Variants in SSX2IP observed in about 807,000 individuals in gnomAD.
SSX2IP encodes the protein afadin- and alpha-actinin-binding protein.
SSX2IP carries 55 observed loss-of-function variants against 84.9 expected under a neutral mutation model. The observed-to-expected ratio is 0.65, with a 90% CI of 0.52 to 0.81. The LOEUF is 0.81. Among genes scored for constraint, SSX2IP ranks in the 30% least tolerant of loss-of-function variants. The pLI, the probability that SSX2IP is intolerant of heterozygous loss-of-function variation, is 0.00. For synonymous variants in SSX2IP, 239 were observed against 234.7 expected, an observed-to-expected ratio of 1.02 and a Z score of -0.17; for missense variants, 664 against 705.2, an observed-to-expected ratio of 0.94 and a Z score of 0.66.
Position 84,645,203 on chromosome 1 carries a change from G to C in SSX2IP, c.*2230C>G, listed in dbSNP as rs1446399250. Reference sequence around the variant, plus strand: ...ATTATTTGTACATTGCAAACACCTAGAAAGAGATGGGAAACAAAATCCCAG... The same window carrying C: ...ATTATTTGTACATTGCAAACACCTACAAAGAGATGGGAAACAAAATCCCAG... On this transcript the variant is annotated 3_prime_UTR_variant, in exon 14 of 14. Transcript: ENST00000342203. 6.6e-6 allele frequency: 1 copy of C among 152,182 alleles called. No individual in the cohort carries two copies. The highest frequency in any genetic ancestry group is 1.5e-5 in the Non-Finnish European group (1 of 68,042). The allele number at this position is 152,182 out of a possible 1,614,324, so 9.4% of individuals were successfully genotyped here.
rs148448464 is a variant in SSX2IP, at chr1:84,657,201, A to T, written c.1079-717T>A. On this transcript the variant is annotated intron_variant, in intron 9 of 13. Coordinates refer to ENST00000342203, the MANE Select transcript of SSX2IP (RefSeq NM_001166293.2). Reference sequence around the variant, plus strand: ...CAAACTTTACCAAGCAGAAAATATTAAGAATATATTCATCAATGTAGAGCT... The same window carrying T: ...CAAACTTTACCAAGCAGAAAATATTTAGAATATATTCATCAATGTAGAGCT... Among the ~76,000 whole-genome samples, 97 of 152,302 alleles carry T rather than the reference A, an allele frequency of 6.4e-4. No homozygotes were observed. In the East Asian group the frequency reaches 0.015, roughly 24 times the overall value.
chr1:84,650,522 C>G lies in SSX2IP; in HGVS notation c.1510G>C (p.Asp504His). The G allele has an allele frequency of 6.2e-7, 1 of 1,614,118 alleles. No individual in the cohort carries two copies. Among genetic ancestry groups the G allele is most frequent in the Non-Finnish European group, 8.5e-7 (1 of 1,180,020 alleles). Reference sequence around the variant, plus strand: ...GAGTGCACTATAAGATTGTCCCAATCAGAACCTGTTGTAAAACAAGTAAGA... The same window carrying G: ...GAGTGCACTATAAGATTGTCCCAATGAGAACCTGTTGTAAAACAAGTAAGA... ...KLFSAFSGSS[D>H]WDNLIVHSRQ... Residue 504 changes from aspartate to histidine, a missense_variant, in exon 13 of 14, where the codon GAT (aspartate) becomes CAT (histidine). Transcript: ENST00000342203.
intron 9 of SSX2IP, 67 bp downstream of exon 9, chr1:84,658,251 A>T: frequency 6.3e-7 from 1 of 1,585,590 alleles, no homozygotes; most frequent in Non-Finnish European, 8.6e-7. Flanking sequence ...CGGCTTTCTA[A>T]GTGACTAAAA....
At position 84,676,719 on chromosome 1, in the gene SSX2IP, CTTTT is replaced by C. The variant is rs61017474; in HGVS notation, c.-89-5415_-89-5412del. Among the ~76,000 whole-genome samples, 66 of 99,492 alleles carry C rather than the reference CTTTT, an allele frequency of 6.6e-4. 1 individual carries two copies. Among genetic ancestry groups the C allele is most frequent in the South Asian group, 5.3e-3 (13 of 2,448 alleles). The allele number at this position is 99,492 out of a possible 152,430, so 65.3% of individuals were successfully genotyped here. A position where few individuals can be genotyped will look rare whatever the true frequency, so the allele number is the denominator to read the frequency against. On this transcript the variant is annotated intron_variant, in intron 1 of 13. Transcript: ENST00000342203. Reference sequence around the variant, plus strand: ...GATTTCAAGACTCTGTGCTCTTTTCCTTTTTTTTTTTTTTTTTTTTTGAAACGGA... The same window carrying C: ...GATTTCAAGACTCTGTGCTCTTTTCCTTTTTTTTTTTTTTTTTGAAACGGA...
At chr1:84,650,984 C>G (rs947556149) in intron 12 of SSX2IP, among the ~76,000 whole-genome samples, 1 of 152,066 alleles carries the variant, frequency 6.6e-6, no homozygotes, top group Non-Finnish European at 1.5e-5. Flanking sequence ...GGATTACAGG[C>G]GTGAGCCACC....
chr1:84,671,166 G>T lies in SSX2IP; in HGVS notation c.43+11C>A, dbSNP rs771110089. 1.2e-6 allele frequency: 2 copies of T among 1,607,344 alleles called. No homozygotes were observed. The highest frequency in any genetic ancestry group is 8.5e-7 in the Non-Finnish European group (1 of 1,177,168). On this transcript the variant is annotated intron_variant, in intron 2 of 13. Transcript: ENST00000342203. ...TTCTGCTTTTGTTTACAATTATTTA[G>T]ACTTAATTACCTGAAGACAGACCTG...
intron 1 of SSX2IP, among the ~76,000 whole-genome samples, chr1:84,675,897 T>C (rs1329478866): frequency 1.3e-5 from 2 of 152,172 alleles, no homozygotes; most frequent in Non-Finnish European, 2.9e-5. Context: ...CACTTCAAGT[T>C]GTCCCGCCTT....
rs138862016 is a variant in SSX2IP at position 84,644,061 on chromosome 1, T to A, written c.*3372A>T. The A allele has an allele frequency of 6.6e-6, 1 of 152,352 alleles. No individual in the cohort carries two copies. Among genetic ancestry groups the A allele is most frequent in the East Asian group, 1.9e-4 (1 of 5,190 alleles). 9.4% of individuals were successfully genotyped at this position (152,352 alleles called of 1,614,324 possible). A position where few individuals can be genotyped will look rare whatever the true frequency, so the allele number is the denominator to read the frequency against. On this transcript the variant is annotated 3_prime_UTR_variant, in exon 14 of 14. Transcript: ENST00000342203. ...AAGTCTTTGGGAATGCTTTTTCTACTAGATAATAATACACGCTCTTGAGGA... is the reference window on the plus strand; with the variant it reads ...AAGTCTTTGGGAATGCTTTTTCTACAAGATAATAATACACGCTCTTGAGGA...
chr1:84,676,448 ACT>A (rs1193416068), intron 1 of SSX2IP, among the ~76,000 whole-genome samples: 1 of 152,178 alleles, frequency 6.6e-6, no homozygotes, highest in African/African-American at 2.4e-5. Context: ...GTATTAGTAC[ACT>A]GTCTTCCCTA....
chr1:84,658,715 GAGA>G (rs1265036488), intron 8 of SSX2IP, among the ~76,000 whole-genome samples: 4 of 152,212 alleles, frequency 2.6e-5, no homozygotes, highest in African/African-American at 9.6e-5. Context: ...GAAGCTGTCT[GAGA>G]AGGAGATATC....
At chr1:84,655,408 G>T (rs989954198) in intron 11 of SSX2IP, 20 of 1,285,016 alleles carry the variant, frequency 1.6e-5, no homozygotes, top group Non-Finnish European at 1.9e-5. Context: ...GCTGTAGAGC[G>T]TATATATAAC....
chr1:84,659,476 G>A (rs1351308501), intron 8 of SSX2IP, among the ~76,000 whole-genome samples: 1 of 152,144 alleles, frequency 6.6e-6, no homozygotes, highest in East Asian at 1.9e-4. Context: ...ACATTTTAAA[G>A]CCTATTAGAA....
intron 11 of SSX2IP, among the ~76,000 whole-genome samples, chr1:84,653,846 T>A (rs560919522): frequency 1.4e-5 from 2 of 140,882 alleles, no homozygotes; most frequent in Non-Finnish European, 3.1e-5. Context: ...ATGAAAGAAA[T>A]CTTTTTTAAA....
intron 1 of SSX2IP, among the ~76,000 whole-genome samples, chr1:84,685,394 A>G (rs1320784281): frequency 6.6e-6 from 1 of 152,264 alleles, no homozygotes; most frequent in Non-Finnish European, 1.5e-5. Flanking sequence ...CTAGCTAATT[A>G]TGTGAAACTG....
chr1:84,677,515 T>C (rs933104442), intron 1 of SSX2IP, among the ~76,000 whole-genome samples: 6 of 152,182 alleles, frequency 3.9e-5, no homozygotes, highest in Non-Finnish European at 8.8e-5. Context: ...TTCTGCCTTC[T>C]GGTGGACACG....
chr1:84,687,405 G>C (rs1273964221), intron 1 of SSX2IP, among the ~76,000 whole-genome samples: 2 of 152,186 alleles, frequency 1.3e-5, no homozygotes, highest in Non-Finnish European at 2.9e-5. Context: ...GCTAGAGTCT[G>C]ACATTTTTAT....
chr1:84,660,294 G>GT (rs1651750847), intron 8 of SSX2IP, among the ~76,000 whole-genome samples: 1 of 152,196 alleles, frequency 6.6e-6, no homozygotes, highest in Non-Finnish European at 1.5e-5. Context: ...CACTGGCTGA[G>GT]TAATGGGGGT....
At chr1:84,659,888 C>T (rs924104797) in intron 8 of SSX2IP, among the ~76,000 whole-genome samples, 4 of 151,640 alleles carry the variant, frequency 2.6e-5, no homozygotes, top group African/African-American at 7.3e-5. Flanking sequence ...ATAAAAAATT[C>T]GGCTGGGCAC....
intron 1 of SSX2IP, among the ~76,000 whole-genome samples, chr1:84,677,128 CTGTT>C (rs1044825387): frequency 1.3e-5 from 2 of 152,180 alleles, no homozygotes; most frequent in African/African-American, 4.8e-5. Context: ...ATGATTTCCA[CTGTT>C]TATTTAGAAG....
Sources: allele counts gnomAD v4.1 joint callset (sites outside exome capture counted in the v4.1 genomes callset), GRCh38; gene constraint gnomAD v4.1.1; transcripts MANE v1.5; gene names NCBI Gene and HGNC (gene_info 2026-07-23, HGNC 2026-07-21).